Variants in ADGRL3 observed in about 807,000 individuals in gnomAD.
ADGRL3 encodes adhesion G protein-coupled receptor L3, also known as calcium-independent alpha-latrotoxin receptor 3.
Under a neutral mutation model 153.5 loss-of-function variants are expected in ADGRL3, and 62 were observed. That is an observed-to-expected ratio of 0.40 (90% CI 0.33 to 0.50). ADGRL3 has a LOEUF of 0.50. ADGRL3 is among the 20% of genes least tolerant of loss of function. ADGRL3 has a pLI of 0.47. For missense variants in ADGRL3, 1,641 were observed against 1,859.4 expected, an observed-to-expected ratio of 0.88 and a Z score of 2.16; for synonymous variants, 710 against 672.5, an observed-to-expected ratio of 1.06 and a Z score of -0.86.
At chr4:61,251,579 T>C (rs1759290036) in intron 1 of ADGRL3, among the ~76,000 whole-genome samples, 1 of 152,116 alleles carries the variant, frequency 6.6e-6, no homozygotes, top group Admixed American at 6.5e-5. Context: ...TTATCGCCAA[T>C]GAGATGACAA....
At chr4:61,664,150 G>A (rs1436876830) in intron 5 of ADGRL3, among the ~76,000 whole-genome samples, 1 of 152,156 alleles carries the variant, frequency 6.6e-6, no homozygotes, top group African/African-American at 2.4e-5. Flanking sequence ...CAAATGTAAT[G>A]TTTTGGGGGC....
chr4:61,461,825 A>T (rs1169121029), intron 2 of ADGRL3, among the ~76,000 whole-genome samples: 2 of 152,304 alleles, frequency 1.3e-5, no homozygotes, highest in Middle Eastern at 6.8e-3. Flanking sequence ...TTACTCCAAG[A>T]TTACAGCCAG....
chr4:61,913,797 G>A (rs2098733138), intron 13 of ADGRL3, among the ~76,000 whole-genome samples: 1 of 152,126 alleles, frequency 6.6e-6, no homozygotes, highest in Admixed American at 6.6e-5. Flanking sequence ...TAAAATCATA[G>A]CAAAAGGAAT....
chr4:61,865,161 A>G lies in ADGRL3; in HGVS notation c.1481-27495A>G, dbSNP rs955679714. ...TTAAGAATAAAATGAGTATTTTCAT[A>G]ATCAATTTTCTGTGGACAAAAGAAT... On this transcript the variant is annotated intron_variant, in intron 9 of 26. Transcript: ENST00000683033. Among the ~76,000 whole-genome samples the G allele has an allele frequency of 2.6e-5, 4 of 152,204 alleles. No individual in the cohort carries two copies. In the East Asian group the frequency reaches 7.7e-4, roughly 29 times the overall value.
At chr4:61,234,147 C>T (rs958963094) in intron 1 of ADGRL3, among the ~76,000 whole-genome samples, 1 of 152,002 alleles carries the variant, frequency 6.6e-6, no homozygotes, top group Admixed American at 6.6e-5. Context: ...TGTGTTAGTC[C>T]ATTTTTATAC....
chr4:61,674,067 A>G (rs1304219163), intron 5 of ADGRL3, among the ~76,000 whole-genome samples: 1 of 151,372 alleles, frequency 6.6e-6, no homozygotes, highest in Non-Finnish European at 1.5e-5. Context: ...CGTTGCTTTT[A>G]TAATTTTCTT....
chr4:62,024,718 C>T (rs1043413501), intron 21 of ADGRL3, among the ~76,000 whole-genome samples: 2 of 151,888 alleles, frequency 1.3e-5, no homozygotes, highest in East Asian at 1.9e-4. Context: ...ATCACAAGGT[C>T]AGGAGTTTGA....
chr4:61,887,057 G>T (rs935881869), intron 9 of ADGRL3, among the ~76,000 whole-genome samples: 1 of 151,700 alleles, frequency 6.6e-6, no homozygotes. Context: ...TAGAGATGGG[G>T]TTTCACTATG....
Position 61,464,927 on chromosome 4 carries a change from C to T in ADGRL3, c.-173-32194C>T, listed in dbSNP as rs867605662. Among the ~76,000 whole-genome samples, 7 of 152,098 alleles carry T rather than the reference C, an allele frequency of 4.6e-5. No individual in the cohort carries two copies. The South Asian group carries it at 8.3e-4, about 18-fold the overall frequency. On this transcript the variant is annotated intron_variant, in intron 2 of 26. Coordinates refer to ENST00000683033, the MANE Select transcript of ADGRL3 (RefSeq NM_001387552.1). ...ACATTAGTCAGCAGAACATTATAAC[C>T]GTTTCTCTTACATCCCTACCTTCTG...
At position 61,203,799 on chromosome 4, in the gene ADGRL3, A is replaced by G. The variant is rs557395521; in HGVS notation, c.-240+2034A>G. Among the ~76,000 whole-genome samples, 13 of 152,312 alleles carry G rather than the reference A, an allele frequency of 8.5e-5. No homozygotes were observed. The South Asian group carries it at 2.7e-3, about 32-fold the overall frequency. Reference sequence around the variant, plus strand: ...CAATTTATCTGCATGTGGATTACAAATAGGATAGAATTCTCAGCTCTTTTA... The same window carrying G: ...CAATTTATCTGCATGTGGATTACAAGTAGGATAGAATTCTCAGCTCTTTTA... On this transcript the variant is annotated intron_variant, in intron 1 of 26. Transcript: ENST00000683033.
Position 61,854,225 on chromosome 4 carries a change from A to G in ADGRL3, c.1481-38431A>G, listed in dbSNP as rs968721328. 2.0e-5 allele frequency among the ~76,000 whole-genome samples: 3 copies of G among 152,190 alleles called. No individual in the cohort carries two copies. The East Asian group carries it at 5.8e-4, about 29-fold the overall frequency. ...TTTCCTCCCTCGCAGAATTGAAGTA[A>G]AAGTAGGAAACAGAAGAAACCATCC... On this transcript the variant is annotated intron_variant, in intron 9 of 26. Coordinates refer to ENST00000683033, the MANE Select transcript of ADGRL3 (RefSeq NM_001387552.1).
At chr4:61,897,072 ATTCTT>A (rs1416363902) in intron 11 of ADGRL3, among the ~76,000 whole-genome samples, 1 of 152,204 alleles carries the variant, frequency 6.6e-6, no homozygotes, top group Non-Finnish European at 1.5e-5. Context: ...ATGATGCTTA[ATTCTT>A]TTCTTTTCTC....
chr4:61,692,064 T>C (rs2095549407), intron 6 of ADGRL3, among the ~76,000 whole-genome samples: 1 of 152,148 alleles, frequency 6.6e-6, no homozygotes, highest in African/African-American at 2.4e-5. Context: ...CGATTTTCTC[T>C]TCTTTGTCTT....
chr4:61,591,951 C>T (rs2098971187), intron 5 of ADGRL3, among the ~76,000 whole-genome samples: 1 of 151,550 alleles, frequency 6.6e-6, no homozygotes, highest in African/African-American at 2.4e-5. Flanking sequence ...TGGGGTGCAC[C>T]TATGGTCCCA....
At position 61,597,599 on chromosome 4, in the gene ADGRL3, A is replaced by T. The variant is rs111304318; in HGVS notation, c.473+10159A>T. 4.2e-3 allele frequency among the ~76,000 whole-genome samples: 643 copies of T among 151,530 alleles called. 3 individuals are homozygous for T. Among genetic ancestry groups the T allele is most frequent in the African/African-American group, 0.015 (613 of 41,414 alleles). ...ATTTTTTAAAATATCATATTATAAT[A>T]TGATCCCCTCATTTAGTAACATTGA... On this transcript the variant is annotated intron_variant, in intron 5 of 26. Coordinates refer to ENST00000683033, the MANE Select transcript of ADGRL3 (RefSeq NM_001387552.1).
intron 25 of ADGRL3, among the ~76,000 whole-genome samples, chr4:62,046,837 T>C (rs1482476911): frequency 6.6e-6 from 1 of 151,976 alleles, no homozygotes; most frequent in Non-Finnish European, 1.5e-5. Context: ...CTTATTTTTT[T>C]ATCTTAGATG....
chr4:61,654,622 G>C (rs1204424234), intron 5 of ADGRL3, among the ~76,000 whole-genome samples: 3 of 151,998 alleles, frequency 2.0e-5, no homozygotes, highest in African/African-American at 7.2e-5. Context: ...AACTAGGCTG[G>C]GTGTGGTGGT....
At chr4:61,938,208 G>A (rs1317790506) in intron 15 of ADGRL3, among the ~76,000 whole-genome samples, 2 of 152,164 alleles carry the variant, frequency 1.3e-5, no homozygotes, top group East Asian at 1.9e-4. Context: ...TGAATTATCA[G>A]CCAATTATAA....
chr4:61,624,063 G>A (rs576265861), intron 5 of ADGRL3, among the ~76,000 whole-genome samples: 12 of 152,232 alleles, frequency 7.9e-5, no homozygotes, highest in Middle Eastern at 3.4e-3. Flanking sequence ...GATCATGCAA[G>A]GTCTTACTGG....
Sources: gnomAD v4.1 joint callset for allele counts (sites outside exome capture counted in the v4.1 genomes callset) on GRCh38, gnomAD v4.1.1 for gene constraint, MANE v1.5 for transcripts, NCBI Gene and HGNC (gene_info 2026-07-23, HGNC 2026-07-21) for gene names.